The following LMBR1L variants were observed in gnomAD, a reference collection of about 807,000 sequenced individuals.
LMBR1L encodes limb development membrane protein 1 like, also known as protein LMBR1L.
Under a neutral mutation model 67.3 loss-of-function variants are expected in LMBR1L, and 47 were observed. The observed-to-expected ratio is 0.70, with a 90% CI of 0.55 to 0.89. LMBR1L has a LOEUF of 0.89. Among genes scored for constraint, LMBR1L ranks in the 40% least tolerant of loss-of-function variants. The probability of loss-of-function intolerance (pLI) is 0.00; values close to 1 mark genes in which losing one functional copy is unlikely to be tolerated. For synonymous variants in LMBR1L, 247 were observed against 250.3 expected, an observed-to-expected ratio of 0.99 and a Z score of 0.13; for missense variants, 533 against 599.2, an observed-to-expected ratio of 0.89 and a Z score of 1.15.
At chr12:49,107,840 G>C (rs1432256990) in intron 1 of LMBR1L, among the ~76,000 whole-genome samples, 1 of 152,210 alleles carries the variant, frequency 6.6e-6, no homozygotes, top group Non-Finnish European at 1.5e-5. Context: ...CAAGAACAGA[G>C]AGTCTCCGCC....
At position 49,108,342 on chromosome 12, in the gene LMBR1L, T is replaced by A. The variant is rs569628221; in HGVS notation, c.73-1297A>T. ...ATTTTGGGAGGCCGAGGCGGGAGGATCACGAGGTCAAGAGATCAAGACCAT... is the reference window on the plus strand; with the variant it reads ...ATTTTGGGAGGCCGAGGCGGGAGGAACACGAGGTCAAGAGATCAAGACCAT... On this transcript the variant is annotated intron_variant, in intron 1 of 16. Coordinates refer to ENST00000267102, the MANE Select transcript of LMBR1L (RefSeq NM_018113.4). Among the ~76,000 whole-genome samples, 6 of 152,014 alleles carry A rather than the reference T, an allele frequency of 3.9e-5. No homozygotes were observed. In the East Asian group the frequency reaches 1.2e-3, roughly 30 times the overall value.
At position 49,098,238 on chromosome 12, in the gene LMBR1L, C is replaced by T; in HGVS notation, c.1241-133G>A. The T allele has an allele frequency of 3.3e-6, 3 of 917,620 alleles. No individual in the cohort carries two copies. In the South Asian group the frequency reaches 4.7e-5, roughly 14 times the overall value. The allele number at this position is 917,620 out of a possible 1,614,324, so 56.8% of individuals were successfully genotyped here. ...AGGTTGGCCTCTCCCAATTCTACCA[C>T]CCAAGCTGTCTCAAGAGCAGTTCGG... On this transcript the variant is annotated intron_variant, in intron 15 of 16. Coordinates refer to ENST00000267102, the MANE Select transcript of LMBR1L (RefSeq NM_018113.4).
At chr12:49,101,013 G>A (rs1698057761) in intron 13 of LMBR1L, 4 of 822,124 alleles carry the variant, frequency 4.9e-6, no homozygotes, top group Non-Finnish European at 7.2e-6. Context: ...ACAGGTGTGA[G>A]CCACTGCACC....
In LMBR1L at chr12:49,110,527, G is replaced by A. The variant is rs1323161993; in HGVS notation, c.29C>T (p.Ser10Phe). 4 of 1,614,098 alleles carry A rather than the reference G, an allele frequency of 2.5e-6. No homozygotes were observed. Among genetic ancestry groups the A allele is most frequent in the East Asian group, 2.2e-5 (1 of 44,872 alleles). The change falls in exon 1 of 17, where the codon TCC becomes TTC. Residue 10 changes from serine (S) to phenylalanine (F), a missense_variant. Coordinates refer to ENST00000267102, the MANE Select transcript of LMBR1L (RefSeq NM_018113.4). ...CTCGTGGAATAGCTGTTCTCGCACG[G>A]ATAGCACTTCGTAGTCAGGTGCTTC... MEAPDYEVL[S>F]VREQLFHERI...
chr12:49,108,561 CAAAAA>C (rs35533408), intron 1 of LMBR1L, among the ~76,000 whole-genome samples: 1 of 47,572 alleles, frequency 2.1e-5, no homozygotes, highest in Non-Finnish European at 3.6e-5. Context: ...GACTGAGTCT[CAAAAA>C]AAAAAAAAAA....
At chr12:49,108,980 C>T (rs1040574923) in intron 1 of LMBR1L, among the ~76,000 whole-genome samples, 3 of 152,090 alleles carry the variant, frequency 2.0e-5, no homozygotes, top group African/African-American at 7.2e-5. Context: ...ACAGAAGGAG[C>T]CACTCAGATT....
intron 1 of LMBR1L, 163 bp from the exon 2 acceptor site, chr12:49,107,208 T>C (rs548552883): frequency 1.4e-5 from 8 of 580,934 alleles, no homozygotes; most frequent in African/African-American, 3.7e-5. Context: ...CCCCAGGTAC[T>C]TCCTTCTAGT....
chr12:49,098,290 C>T (rs1939672449), intron 15 of LMBR1L, among the ~76,000 whole-genome samples, 185 bp from the exon 16 acceptor site: 1 of 152,228 alleles, frequency 6.6e-6, no homozygotes, highest in South Asian at 2.1e-4. Flanking sequence ...AGCAGCTAGG[C>T]TTGCTTCAAC....
chr12:49,106,100 C>T (rs1940872323), intron 2 of LMBR1L, 143 bp from the exon 3 acceptor site: 1 of 652,476 alleles, frequency 1.5e-6, no homozygotes, highest in Non-Finnish European at 2.7e-6. Flanking sequence ...GGAGACCACA[C>T]ATTATGAACT....
chr12:49,100,850 C>T (rs1940075419), intron 13 of LMBR1L: 1 of 588,842 alleles, frequency 1.7e-6, no homozygotes, highest in African/African-American at 1.9e-5. Context: ...ACGTCAGCCT[C>T]CCACGTAGCT....
intron 16 of LMBR1L, 53 bp from the exon 17 acceptor site, chr12:49,097,792 G>C: frequency 1.9e-6 from 3 of 1,610,350 alleles, no homozygotes; most frequent in South Asian, 1.1e-5. Flanking sequence ...CAGTCCGTTA[G>C]GGACCAGGCA....
chr12:49,098,361 C>T (rs1327786297), intron 15 of LMBR1L, among the ~76,000 whole-genome samples: 1 of 152,158 alleles, frequency 6.6e-6, no homozygotes, highest in Non-Finnish European at 1.5e-5. Flanking sequence ...CCTGGTGTCC[C>T]CAGGAACTCC....
Position 49,102,643 on chromosome 12 carries a change from C to T in LMBR1L, c.697-103G>A. On this transcript the variant is annotated intron_variant, in intron 8 of 16. Coordinates refer to ENST00000267102, the MANE Select transcript of LMBR1L (RefSeq NM_018113.4). ...CAGGGCTCCGTAGTCCCAGGCTTCCCCCAGACCCTCATTCACCACCCTGTG... is the reference window on the plus strand; with the variant it reads ...CAGGGCTCCGTAGTCCCAGGCTTCCTCCAGACCCTCATTCACCACCCTGTG... 5.7e-6 allele frequency: 7 copies of T among 1,222,828 alleles called. No homozygotes were observed. The South Asian group carries it at 7.9e-5, about 14-fold the overall frequency. The allele number at this position is 1,222,828 out of a possible 1,614,324, so 75.7% of individuals were successfully genotyped here. A position where few individuals can be genotyped will look rare whatever the true frequency, so the allele number is the denominator to read the frequency against.
At chr12:49,104,364 A>C (rs559216615) in intron 5 of LMBR1L, 84 bp downstream of exon 5, 1 of 1,041,870 alleles carries the variant, frequency 9.6e-7, no homozygotes, top group East Asian at 2.4e-5. Flanking sequence ...AAACCTCTGC[A>C]AATAGCCTCT....
At chr12:49,102,265 G>A in intron 10 of LMBR1L, 28 bp downstream of exon 10, 1 of 1,613,510 alleles carries the variant, frequency 6.2e-7, no homozygotes, top group Non-Finnish European at 8.5e-7. Flanking sequence ...GGAAACCCAG[G>A]TATCCCAAGC....
At position 49,106,854 on chromosome 12, in the gene LMBR1L, G is replaced by T. The variant is rs1784562603; in HGVS notation, c.157+107C>A. 6 of 989,992 alleles carry T rather than the reference G, an allele frequency of 6.1e-6. 1 individual carries two copies. In the Admixed American group the frequency reaches 9.0e-5, roughly 15 times the overall value. The allele number at this position is 989,992 out of a possible 1,614,324, so 61.3% of individuals were successfully genotyped here. A position where few individuals can be genotyped will look rare whatever the true frequency, so the allele number is the denominator to read the frequency against. On this transcript the variant is annotated intron_variant, in intron 2 of 16. Coordinates refer to ENST00000267102, the MANE Select transcript of LMBR1L (RefSeq NM_018113.4). Reference sequence around the variant, plus strand: ...CTGAAGAGGCAAAGGCTCCAGAACAGCCCCACACAGCCACTGCTCCTTTCC... The same window carrying T: ...CTGAAGAGGCAAAGGCTCCAGAACATCCCCACACAGCCACTGCTCCTTTCC...
rs781620146 is a variant in LMBR1L at position 49,101,255 on chromosome 12, G to A, written c.1077C>T (p.Leu359=). The change falls in exon 13 of 17, where the codon CTC becomes CTT. Residue 359 remains leucine, a synonymous_variant. Coordinates refer to ENST00000267102, the MANE Select transcript of LMBR1L (RefSeq NM_018113.4). ...ATGGGTTTCCAGAAGGATACAAGAT[G>A]AGTACAACCTGAATGACGGCACCAA... ...GSFGAVIQVV[L]IFYLMVSSVV... is the part of the protein sequence containing the mutation. 5.0e-6 allele frequency: 8 copies of A among 1,614,046 alleles called. No individual in the cohort carries two copies. The Admixed American group carries it at 1.0e-4, about 20-fold the overall frequency.
In LMBR1L at chr12:49,106,345, C is replaced by T. The variant is rs775121902; in HGVS notation, c.158-388G>A. ...GAGGAGGGGGAAGGGGAGATTCACA[C>T]AGAAAGTCCCCAGGGGAATTACTCT... On this transcript the variant is annotated intron_variant, in intron 2 of 16. Transcript: ENST00000267102. 3.2e-5 allele frequency: 12 copies of T among 372,252 alleles called. No homozygotes were observed. In the East Asian group the frequency reaches 4.8e-4, roughly 15 times the overall value. The allele number at this position is 372,252 out of a possible 1,614,324, so 23.1% of individuals were successfully genotyped here.
intron 11 of LMBR1L, chr12:49,101,784 T>A: frequency 1.7e-6 from 1 of 581,054 alleles, no homozygotes. Context: ...GGAAAAGGCA[T>A]CTCTCTTCCT....
Sources: gnomAD v4.1 joint callset for allele counts (sites outside exome capture counted in the v4.1 genomes callset) on GRCh38, gnomAD v4.1.1 for gene constraint, MANE v1.5 for transcripts, NCBI Gene and HGNC (gene_info 2026-07-23, HGNC 2026-07-21) for gene names.